MON2: variants seen among roughly 807,000 people sequenced by gnomAD.
MON2 encodes MON2 regulator of endosome-to-Golgi trafficking.
In MON2, 84 loss-of-function variants were observed where a neutral mutation model predicts 208.6. That is an observed-to-expected ratio of 0.40 (90% confidence interval 0.34 to 0.48). The LOEUF (loss-of-function observed/expected upper bound fraction) is 0.48, where lower values mean the gene tolerates loss of function less well. Ranked by LOEUF, MON2 falls within the 20% of genes least tolerant of loss-of-function variation. The pLI is 0.59. For missense variants in MON2, 1,611 were observed against 2,015.4 expected (o/e 0.80, Z 3.84); for synonymous variants, 660 against 694.0 (o/e 0.95, Z 0.77).
intron 1 of MON2, among the ~76,000 whole-genome samples, chr12:62,467,701 C>T (rs1175100454): frequency 6.6e-6 from 1 of 152,214 alleles, no homozygotes; most frequent in Admixed American, 6.5e-5. Flanking sequence ...CTGTACTCCT[C>T]ACGTTTATGG....
chr12:62,589,744 TAAAAAAA>T (rs5798649), intron 34 of MON2, among the ~76,000 whole-genome samples: 2 of 113,640 alleles, frequency 1.8e-5, no homozygotes, highest in Admixed American at 9.6e-5. Flanking sequence ...ACCCCATCTT[TAAAAAAA>T]AAAAAAAAAA....
At chr12:62,527,727 G>A (rs74095811) in intron 11 of MON2, among the ~76,000 whole-genome samples, 3,367 of 151,710 alleles carry the variant, frequency 0.022, 127 homozygotes, top group African/African-American at 0.078. Flanking sequence ...TGAAGAAAAA[G>A]CAAGTTAAGG....
Position 62,467,277 on chromosome 12 carries a change from T to A in MON2, c.70T>A (p.Leu24Met), listed in dbSNP as rs756267667. The A allele has an allele frequency of 1.9e-6, 3 of 1,613,962 alleles. No homozygotes were observed. The highest frequency in any genetic ancestry group is 2.5e-6 in the Non-Finnish European group (3 of 1,180,028). ...GAATATGCAGAGCGACTTGCGCGCC[T>A]TGTCACTGGAGTGCAAGAAGAAATT... The part of the protein sequence containing the change: ...LENMQSDLRA[L>M]SLECKKKFPP... The change falls in exon 1 of 35, where the codon TTG (leucine) becomes ATG (methionine). Residue 24 changes from leucine (L) to methionine (M), a missense_variant. Physicochemically the swap from Leu to Met is conservative, Grantham distance 15. Transcript: ENST00000393630.
At chr12:62,516,398 T>C (rs1159395095) in intron 8 of MON2, among the ~76,000 whole-genome samples, 2 of 151,994 alleles carry the variant, frequency 1.3e-5, no homozygotes, top group East Asian at 1.9e-4. Context: ...TCAACAATAA[T>C]GTACATTCAA....
intron 30 of MON2, among the ~76,000 whole-genome samples, chr12:62,572,019 G>A (rs1339563199): frequency 6.6e-6 from 1 of 152,160 alleles, no homozygotes; most frequent in Non-Finnish European, 1.5e-5. Flanking sequence ...TCATTGTATG[G>A]TATCTAATTT....
Position 62,595,138 on chromosome 12 carries a change from TGA to T in MON2, c.*2391_*2392del, listed in dbSNP as rs1373001106. ...TTTGTCATACTTACTAGAAATACTA[TGA>T]GTTTTTTTTTTTTTTTTCATTTGAG... On this transcript the variant is annotated 3_prime_UTR_variant, in exon 35 of 35. Transcript: ENST00000393630. 1.3e-5 allele frequency: 2 copies of T among 151,874 alleles called. No individual in the cohort carries two copies. The highest frequency in any genetic ancestry group is 4.8e-5 in the African/African-American group (2 of 41,350). 9.4% of individuals were successfully genotyped at this position (151,874 alleles called of 1,614,324 possible). A position where few individuals can be genotyped will look rare whatever the true frequency, so the allele number is the denominator to read the frequency against.
At chr12:62,572,674 T>C (rs1565700608) in intron 30 of MON2, among the ~76,000 whole-genome samples, 1 of 152,166 alleles carries the variant, frequency 6.6e-6, no homozygotes, top group African/African-American at 2.4e-5. Context: ...TTGAACTAAC[T>C]TCTGGGCTCA....
chr12:62,500,350 C>T (rs1044657752), intron 5 of MON2, among the ~76,000 whole-genome samples: 7 of 152,088 alleles, frequency 4.6e-5, no homozygotes, highest in African/African-American at 1.7e-4. Flanking sequence ...CTGTAACTGA[C>T]ATGGTAACAG....
chr12:62,589,974 A>G (rs1242148283), intron 34 of MON2, among the ~76,000 whole-genome samples: 1 of 152,206 alleles, frequency 6.6e-6, no homozygotes, highest in East Asian at 1.9e-4. Context: ...ATGATATAAC[A>G]TTTTAGAAAG....
intron 1 of MON2, among the ~76,000 whole-genome samples, chr12:62,482,060 G>A (rs942916032): frequency 6.6e-6 from 1 of 152,082 alleles, no homozygotes; most frequent in Non-Finnish European, 1.5e-5. Context: ...TGCTGCCTTC[G>A]GAAACTAGAT....
chr12:62,497,390 A>G (rs1467087648), intron 4 of MON2, among the ~76,000 whole-genome samples: 1 of 152,208 alleles, frequency 6.6e-6, no homozygotes, highest in African/African-American at 2.4e-5. Context: ...TCATTAAAAT[A>G]ATATATTCAA....
chr12:62,567,512 A>G (rs748259247), intron 29 of MON2, among the ~76,000 whole-genome samples: 18 of 152,056 alleles, frequency 1.2e-4, no homozygotes, highest in Non-Finnish European at 2.2e-4. Flanking sequence ...AAAAGACCAA[A>G]TCTTCACATC....
At chr12:62,561,964 G>A (rs2074213297) in intron 26 of MON2, among the ~76,000 whole-genome samples, 1 of 152,040 alleles carries the variant, frequency 6.6e-6, no homozygotes, top group Non-Finnish European at 1.5e-5. Flanking sequence ...ATTACCTCTG[G>A]AAGAAGTTTA....
intron 24 of MON2, 146 bp downstream of exon 24, chr12:62,553,320 T>C: frequency 1.4e-6 from 1 of 726,790 alleles, no homozygotes; most frequent in South Asian, 2.3e-5. Context: ...TGTGTCATAT[T>C]GTAAATTGTA....
At chr12:62,558,398 G>T (rs963216776) in intron 25 of MON2, among the ~76,000 whole-genome samples, 3 of 151,822 alleles carry the variant, frequency 2.0e-5, no homozygotes, top group African/African-American at 7.3e-5. Flanking sequence ...ACATAACCAC[G>T]TGCAATATAT....
chr12:62,562,508 T>C (rs905674577), intron 26 of MON2, among the ~76,000 whole-genome samples: 1 of 152,050 alleles, frequency 6.6e-6, no homozygotes, highest in Non-Finnish European at 1.5e-5. Flanking sequence ...ACACTAGCCA[T>C]TGTTGTGTTG....
At chr12:62,545,449 GT>G (rs747448856) in intron 21 of MON2, 1 of 151,720 alleles carries the variant, frequency 6.6e-6, no homozygotes, top group African/African-American at 2.4e-5. Context: ...TACTTCCAGA[GT>G]TTACTTTTGT....
In MON2 at chr12:62,498,928, C is replaced by T; in HGVS notation, c.445C>T (p.Leu149Phe). 1 of 1,598,450 alleles carries T rather than the reference C, an allele frequency of 6.3e-7. No homozygotes were observed. The highest frequency in any genetic ancestry group is 8.5e-7 in the Non-Finnish European group (1 of 1,173,988). ...HDEALSKAIV[L>F]CFRLHFTKDN... ...AAAATTGTGTTTTCAGGCAATCGTT[C>T]TTTGTTTTCGACTACACTTCACAAA... Residue 149 changes from leucine to phenylalanine, a missense_variant, in exon 5 of 35, where the codon CTT becomes TTT. Physicochemically the swap from Leu to Phe is conservative, Grantham distance 22. Transcript: ENST00000393630.
intron 26 of MON2, 27 bp from the exon 27 acceptor site, chr12:62,565,210 T>G: frequency 6.2e-7 from 1 of 1,604,478 alleles, no homozygotes; most frequent in East Asian, 2.2e-5. Flanking sequence ...GATTATGCAT[T>G]CTAATGTTCT....
Sources: gnomAD v4.1 joint callset for allele counts (sites outside exome capture counted in the v4.1 genomes callset) on GRCh38, gnomAD v4.1.1 for gene constraint, MANE v1.5 for transcripts, NCBI Gene and HGNC (gene_info 2026-07-23, HGNC 2026-07-21) for gene names.